The following ST7 variants were observed in gnomAD, a reference collection of about 807,000 sequenced individuals.
ST7 encodes suppression of tumorigenicity 7, also known as suppressor of tumorigenicity 7 protein.
Under a neutral mutation model 78.7 loss-of-function variants are expected in ST7, and 28 were observed. The observed-to-expected ratio is 0.36, with a 90% CI of 0.26 to 0.49. The LOEUF is 0.49. ST7 is among the 20% of genes least tolerant of loss of function. ST7 has a pLI of 0.99. For synonymous variants in ST7, 247 were observed against 249.6 expected, an observed-to-expected ratio of 0.99 and a Z score of 0.10; for missense variants, 418 against 696.0, an observed-to-expected ratio of 0.60 and a Z score of 4.49.
intron 1 of ST7, chr7:116,972,305 C>G: frequency 1.7e-6 from 1 of 581,056 alleles, no homozygotes; most frequent in Non-Finnish European, 3.2e-6. Context: ...GCAAACCCAT[C>G]ACGGGCCTCT....
At chr7:117,221,616 A>C (rs1486000881) in intron 14 of ST7, among the ~76,000 whole-genome samples, 1 of 151,260 alleles carries the variant, frequency 6.6e-6, no homozygotes, top group Non-Finnish European at 1.5e-5. Flanking sequence ...TGCTTTTGAG[A>C]AAAAAATACT....
chr7:117,027,232 A>G (rs899981420), intron 1 of ST7, among the ~76,000 whole-genome samples: 3 of 151,988 alleles, frequency 2.0e-5, no homozygotes, highest in Non-Finnish European at 2.9e-5. Context: ...TCACAAGGTC[A>G]AGAGTTTGAG....
intron 1 of ST7, among the ~76,000 whole-genome samples, chr7:116,974,276 CT>C (rs1221048349): frequency 2.0e-5 from 3 of 151,414 alleles, no homozygotes; most frequent in Non-Finnish European, 2.9e-5. Flanking sequence ...TTAGTATATG[CT>C]TTTTCTTTTC....
chr7:117,129,768 A>G (rs1464092159), intron 3 of ST7, 25 bp from the exon 4 acceptor site: 4 of 1,599,570 alleles, frequency 2.5e-6, no homozygotes, highest in Non-Finnish European at 2.6e-6. Context: ...TACGCGTAAC[A>G]TTTTCATATT....
chr7:117,061,220 A>G (rs1584543832), intron 1 of ST7, among the ~76,000 whole-genome samples: 1 of 152,040 alleles, frequency 6.6e-6, no homozygotes, highest in Non-Finnish European at 1.5e-5. Context: ...GGTCTCTGAG[A>G]TGTGTGGGCT....
chr7:117,138,574 T>C (rs201822620), intron 9 of ST7, 42 bp downstream of exon 9: 20 of 1,420,334 alleles, frequency 1.4e-5, no homozygotes, highest in East Asian at 4.9e-5. Flanking sequence ...CTTACAGATA[T>C]AGGAGCCCGC....
At chr7:117,171,046 A>G in intron 10 of ST7, 70 bp downstream of exon 10, 2 of 990,528 alleles carry the variant, frequency 2.0e-6, no homozygotes, top group South Asian at 3.8e-5. Context: ...TTAGATTAGA[A>G]GGGTCATTTC....
Position 117,029,836 on chromosome 7 carries a change from G to A in ST7, c.152-69926G>A, listed in dbSNP as rs535236960. On this transcript the variant is annotated intron_variant, in intron 1 of 15. Coordinates refer to ENST00000323984, the MANE Select transcript of ST7 (RefSeq NM_001369598.1). ...AGACTGTCATTTCTCCATGGAATTG[G>A]CAACTTTATCAGAAGTCAGTTCACC... Among the ~76,000 whole-genome samples the A allele has an allele frequency of 2.7e-4, 41 of 151,652 alleles. 1 individual carries two copies. Among genetic ancestry groups the A allele is most frequent in the Admixed American group, 8.6e-4 (13 of 15,198 alleles).
intron 1 of ST7, among the ~76,000 whole-genome samples, chr7:117,089,573 TG>T (rs1402018614): frequency 6.6e-6 from 1 of 151,150 alleles, no homozygotes; most frequent in African/African-American, 2.4e-5. Context: ...TTTGTTTTTT[TG>T]TTTTTTTTTT....
intron 1 of ST7, among the ~76,000 whole-genome samples, chr7:117,027,417 G>A (rs1226432771): frequency 2.3e-5 from 1 of 44,302 alleles, no homozygotes; most frequent in African/African-American, 9.5e-5. Flanking sequence ...TCCAGCCTGG[G>A]CAACAGAGTG....
Position 117,222,062 on chromosome 7 carries a change from T to C in ST7, c.1638T>C (p.Ala546=), listed in dbSNP as rs764960386. 6.2e-7 allele frequency: 1 copy of C among 1,606,050 alleles called. No individual in the cohort carries two copies. Among genetic ancestry groups the C allele is most frequent in the Non-Finnish European group, 8.5e-7 (1 of 1,177,238 alleles). ...FPELMGVFAK[A]FLSTLFAPLN... is the part of the protein sequence containing the mutation. ...AACTTATGGGGGTCTTCGCAAAAGC[T>C]GTGAGTGTTTGCCTAGAGGGAGGCC... is the stretch of plus-strand genomic sequence containing the variant. Residue 546 remains alanine (A), a splice_region_variant and synonymous_variant, in exon 15 of 16, where the codon GCT becomes GCC. Coordinates refer to ENST00000323984, the MANE Select transcript of ST7 (RefSeq NM_001369598.1).
rs1329394116 is a variant in ST7 at position 117,229,933 on chromosome 7, G to A, written c.*76G>A. On this transcript the variant is annotated 3_prime_UTR_variant, in exon 16 of 16. Coordinates refer to ENST00000323984, the MANE Select transcript of ST7 (RefSeq NM_001369598.1). ...TGTGCCAACTCCTTGTGGACCGCAA[G>A]AAAGCATGACTTTGAAAAAGGGAAG... 1 of 1,251,320 alleles carries A rather than the reference G, an allele frequency of 8.0e-7. No individual in the cohort carries two copies. The allele number at this position is 1,251,320 out of a possible 1,614,324, so 77.5% of individuals were successfully genotyped here. A position where few individuals can be genotyped will look rare whatever the true frequency, so the allele number is the denominator to read the frequency against.
intron 13 of ST7, among the ~76,000 whole-genome samples, chr7:117,214,910 T>TTGTGTGTGTG (rs147915016): frequency 7.7e-5 from 11 of 143,154 alleles, no homozygotes; most frequent in African/African-American, 1.8e-4. Flanking sequence ...GGAAGAACAT[T>TTGTGTGTGTG]TGTGTGTGTG....
intron 1 of ST7, among the ~76,000 whole-genome samples, chr7:117,042,214 CT>C (rs1797267714): frequency 6.6e-6 from 1 of 152,092 alleles, no homozygotes; most frequent in Non-Finnish European, 1.5e-5. Context: ...AGATCAATTA[CT>C]TTCTTTTTAA....
chr7:117,075,350 G>A (rs1317106192), intron 1 of ST7, among the ~76,000 whole-genome samples: 1 of 152,164 alleles, frequency 6.6e-6, no homozygotes, highest in Non-Finnish European at 1.5e-5. Flanking sequence ...CATGGTAGAA[G>A]TTGTACCTAC....
intron 1 of ST7, among the ~76,000 whole-genome samples, chr7:116,994,791 C>T (rs79535557): frequency 6.6e-6 from 1 of 152,104 alleles, no homozygotes; most frequent in Admixed American, 6.5e-5. Context: ...GAAGTGCTAA[C>T]AGTGGTTTTT....
intron 1 of ST7, among the ~76,000 whole-genome samples, chr7:117,091,879 T>C (rs761293811): frequency 5.3e-5 from 8 of 152,156 alleles, no homozygotes; most frequent in Non-Finnish European, 1.2e-4. Flanking sequence ...GCTATCTCAA[T>C]TGCAAGTTCA....
At chr7:117,150,780 T>C (rs1806179733) in intron 9 of ST7, among the ~76,000 whole-genome samples, 1 of 152,254 alleles carries the variant, frequency 6.6e-6, no homozygotes, top group South Asian at 2.1e-4. Context: ...CTGACATCAT[T>C]ACTTAGGTAT....
chr7:117,185,991 AGAACAGTT>A (rs1809226511), intron 10 of ST7, among the ~76,000 whole-genome samples: 1 of 152,236 alleles, frequency 6.6e-6, no homozygotes, highest in Admixed American at 6.5e-5. Context: ...AATAACTAAT[AGAACAGTT>A]ATAACAATAT....
Sources: allele counts gnomAD v4.1 joint callset (sites outside exome capture counted in the v4.1 genomes callset), GRCh38; gene constraint gnomAD v4.1.1; transcripts MANE v1.5; gene names NCBI Gene and HGNC (gene_info 2026-07-23, HGNC 2026-07-21).